The following SGCZ variants were observed in gnomAD, a reference collection of about 807,000 sequenced individuals.
SGCZ encodes the protein sarcoglycan zeta, also known as zeta-sarcoglycan.
A neutral mutation model predicts 41.3 loss-of-function variants in SGCZ; 40 were observed. That is an observed-to-expected ratio of 0.97 (90% CI 0.75 to 1.26). The LOEUF (loss-of-function observed/expected upper bound fraction) is 1.26, where lower values mean the gene tolerates loss of function less well. Ranked by LOEUF, SGCZ falls within the 50% of genes most tolerant of loss-of-function variation. SGCZ has a pLI of 0.00. For synonymous variants in SGCZ, 206 were observed against 137.5 expected (o/e 1.50, Z -3.49); for missense variants, 552 against 369.8 (o/e 1.49, Z -4.04).
intron 3 of SGCZ, chr8:14,309,208 C>G (rs1801445115): frequency 1.3e-6 from 2 of 1,494,580 alleles, no homozygotes; most frequent in African/African-American, 2.8e-5. Context: ...TGCGGCTGAT[C>G]TCTAAGTTTG....
At chr8:14,328,392 G>T (rs1249325187) in intron 2 of SGCZ, among the ~76,000 whole-genome samples, 1 of 150,714 alleles carries the variant, frequency 6.6e-6, no homozygotes, top group East Asian at 1.9e-4. Context: ...ACCTTGTCTT[G>T]GTTCTGCCAC....
chr8:14,198,386 G>A (rs1274893135), intron 4 of SGCZ, among the ~76,000 whole-genome samples: 1 of 152,152 alleles, frequency 6.6e-6, no homozygotes, highest in African/African-American at 2.4e-5. Flanking sequence ...CCAAAGAGAG[G>A]TGTTAAAGTG....
At chr8:15,068,571 G>C (rs917895362) in intron 1 of SGCZ, among the ~76,000 whole-genome samples, 2 of 152,032 alleles carry the variant, frequency 1.3e-5, no homozygotes, top group Admixed American at 6.6e-5. Flanking sequence ...ATATCAAACA[G>C]CTAGTAAATT....
intron 1 of SGCZ, among the ~76,000 whole-genome samples, chr8:14,974,344 T>A (rs1488055164): frequency 6.6e-6 from 1 of 152,214 alleles, no homozygotes; most frequent in Non-Finnish European, 1.5e-5. Context: ...TGTTTCCTGA[T>A]ATGTTTTGAC....
At chr8:14,891,648 G>A (rs1805023148) in intron 1 of SGCZ, among the ~76,000 whole-genome samples, 1 of 152,198 alleles carries the variant, frequency 6.6e-6, no homozygotes, top group African/African-American at 2.4e-5. Context: ...GAGGTCTGGA[G>A]AGGAATGACT....
At chr8:14,780,066 A>C (rs1800538007) in intron 1 of SGCZ, among the ~76,000 whole-genome samples, 1 of 152,060 alleles carries the variant, frequency 6.6e-6, no homozygotes, top group Non-Finnish European at 1.5e-5. Flanking sequence ...ACTACTGAAG[A>C]AGAGAAAATG....
At chr8:14,591,621 T>C (rs1563137583) in intron 1 of SGCZ, among the ~76,000 whole-genome samples, 1 of 152,140 alleles carries the variant, frequency 6.6e-6, no homozygotes, top group Non-Finnish European at 1.5e-5. Flanking sequence ...CAAACGTTAT[T>C]GATAACATTA....
intron 3 of SGCZ, among the ~76,000 whole-genome samples, chr8:14,302,556 A>G (rs938160132): frequency 3.3e-5 from 5 of 152,046 alleles, no homozygotes; most frequent in South Asian, 4.2e-4. Flanking sequence ...ATTTCACTCA[A>G]TTGCCATTTA....
chr8:14,454,123 G>A (rs1411078147), intron 2 of SGCZ, among the ~76,000 whole-genome samples: 4 of 152,144 alleles, frequency 2.6e-5, no homozygotes, highest in African/African-American at 9.7e-5. Flanking sequence ...CTTAAACTCT[G>A]GATGGCCTTA....
rs75451931 is a variant in SGCZ at position 14,952,535 on chromosome 8, T to G, written c.39+285050A>C. On this transcript the variant is annotated intron_variant, in intron 1 of 7. Coordinates refer to ENST00000382080, the MANE Select transcript of SGCZ (RefSeq NM_139167.4). ...CCTTTGTTCGATAATGTTGATAAAT[T>G]TGCATTAATTTTGTTTTTCACATTT... is the stretch of plus-strand genomic sequence containing the variant. 5.6e-3 allele frequency among the ~76,000 whole-genome samples: 846 copies of G among 152,240 alleles called. 32 individuals carry two copies. In the East Asian group the frequency reaches 0.11, roughly 20 times the overall value.
intron 1 of SGCZ, among the ~76,000 whole-genome samples, chr8:14,803,486 G>C (rs1263248115): frequency 6.6e-6 from 1 of 152,050 alleles, no homozygotes; most frequent in Admixed American, 6.5e-5. Flanking sequence ...CTGGAAAATC[G>C]GGTCACTCCC....
chr8:14,442,538 C>T (rs1277942353), intron 2 of SGCZ, among the ~76,000 whole-genome samples: 9 of 152,132 alleles, frequency 5.9e-5, no homozygotes, highest in Non-Finnish European at 1.2e-4. Context: ...CTTGACAGTA[C>T]CTGACACTAA....
At chr8:15,140,932 C>T (rs1319387231) in intron 1 of SGCZ, among the ~76,000 whole-genome samples, 3 of 152,158 alleles carry the variant, frequency 2.0e-5, no homozygotes, top group Non-Finnish European at 4.4e-5. Context: ...ATGATGACCA[C>T]CGTACATTTA....
intron 2 of SGCZ, among the ~76,000 whole-genome samples, chr8:14,529,568 C>G (rs184714181): frequency 3.0e-4 from 45 of 152,200 alleles, no homozygotes; most frequent in Non-Finnish European, 4.9e-4. Flanking sequence ...CATGATCACA[C>G]CTACATAGGA....
chr8:15,022,260 G>A (rs906647182), intron 1 of SGCZ, among the ~76,000 whole-genome samples: 1 of 152,138 alleles, frequency 6.6e-6, no homozygotes, highest in Non-Finnish European at 1.5e-5. Flanking sequence ...TTTTAATCAT[G>A]TAATTCTGCT....
intron 2 of SGCZ, among the ~76,000 whole-genome samples, chr8:14,374,780 G>C (rs967296276): frequency 5.9e-5 from 9 of 152,150 alleles, no homozygotes; most frequent in Non-Finnish European, 7.3e-5. Context: ...GAGGGTGTAT[G>C]AATGAACCAT....
At chr8:14,188,075 G>T (rs1477238657) in intron 4 of SGCZ, among the ~76,000 whole-genome samples, 1 of 152,120 alleles carries the variant, frequency 6.6e-6, no homozygotes, top group Non-Finnish European at 1.5e-5. Flanking sequence ...TCAACCAAGA[G>T]TTCTATAGGC....
intron 1 of SGCZ, among the ~76,000 whole-genome samples, chr8:14,970,032 T>TATAGTC (rs1801239815): frequency 6.6e-6 from 1 of 152,154 alleles, no homozygotes; most frequent in South Asian, 2.1e-4. Context: ...TCATTTTAAT[T>TATAGTC]ATAGTCATTC....
intron 1 of SGCZ, among the ~76,000 whole-genome samples, chr8:14,675,297 A>G (rs1016580633): frequency 6.6e-5 from 10 of 152,064 alleles, no homozygotes; most frequent in Non-Finnish European, 2.9e-5. Flanking sequence ...CAATGCAAGA[A>G]CAGAACAATA....
Sources: gnomAD v4.1 joint callset for allele counts (sites outside exome capture counted in the v4.1 genomes callset) on GRCh38, gnomAD v4.1.1 for gene constraint, MANE v1.5 for transcripts, NCBI Gene and HGNC (gene_info 2026-07-23, HGNC 2026-07-21) for gene names.